The following FAM227A variants were observed in gnomAD, a reference collection of about 807,000 sequenced individuals.
FAM227A encodes the protein family with sequence similarity 227 member A.
Under a neutral mutation model 74.7 loss-of-function variants are expected in FAM227A, and 80 were observed. The ratio of observed to expected loss-of-function variants is 1.07; its 90% CI spans 0.89 to 1.29. The LOEUF (loss-of-function observed/expected upper bound fraction) is 1.29, where lower values mean the gene tolerates loss of function less well. FAM227A is among the 50% of genes most tolerant of loss of function. The probability of loss-of-function intolerance (pLI) is 0.00; values close to 1 mark genes in which losing one functional copy is unlikely to be tolerated. For synonymous variants in FAM227A, 237 were observed against 241.8 expected (o/e 0.98, Z 0.19); for missense variants, 654 against 683.4 (o/e 0.96, Z 0.48).
At chr22:38,613,115 AT>A (rs1466806184) in intron 11 of FAM227A, among the ~76,000 whole-genome samples, 36 of 89,924 alleles carry the variant, frequency 4.0e-4, no homozygotes, top group African/African-American at 1.7e-3. Flanking sequence ...TTATATATAT[AT>A]TATATATAAT....
Position 38,623,205 on chromosome 22 carries a change from C to A in FAM227A, c.925G>T (p.Glu309Ter), listed in dbSNP as rs2091728373. 1 of 1,551,660 alleles carries A rather than the reference C, an allele frequency of 6.4e-7. No individual in the cohort carries two copies. The highest frequency in any genetic ancestry group is 8.7e-7 in the Non-Finnish European group (1 of 1,146,920). Reference protein sequence around the residue: ...ELDPERFRREELMLYRRRLTK... With the variant: ...ELDPERFRRE ...AGTCTTCTTCTGTACAACATTAATT[C>A]TTCTCTGCGGAATCGCTCTGGGTCT... The change falls in exon 10 of 17, where the codon GAA becomes TAA. Residue 309 changes from glutamate (E) to a stop codon, truncating the protein, a stop_gained. Coordinates refer to ENST00000535113, the MANE Select transcript of FAM227A (RefSeq NM_001013647.2). LOFTEE classifies it high-confidence loss of function.
At chr22:38,652,363 C>T (rs1412555708) in intron 1 of FAM227A, among the ~76,000 whole-genome samples, 26 of 149,376 alleles carry the variant, frequency 1.7e-4, no homozygotes, top group East Asian at 8.0e-4. Context: ...CCGAGGCAGG[C>T]AGATCATGAG....
intron 11 of FAM227A, among the ~76,000 whole-genome samples, chr22:38,615,246 C>T (rs1397468196): frequency 6.6e-6 from 1 of 152,226 alleles, no homozygotes; most frequent in African/African-American, 2.4e-5. Context: ...TGGTCTTGAA[C>T]TCCTGACCTC....
chr22:38,607,017 A>G (rs2091298138), intron 12 of FAM227A, among the ~76,000 whole-genome samples: 1 of 152,032 alleles, frequency 6.6e-6, no homozygotes, highest in Admixed American at 6.6e-5. Flanking sequence ...TCTCTACTAA[A>G]AATACAAAAA....
chr22:38,589,763 T>C (rs1022977163), intron 16 of FAM227A, among the ~76,000 whole-genome samples: 3 of 152,188 alleles, frequency 2.0e-5, no homozygotes, highest in Non-Finnish European at 4.4e-5. Context: ...CTGTAGAATA[T>C]TGACTTTTAA....
intron 13 of FAM227A, 131 bp downstream of exon 13, chr22:38,605,123 G>A: frequency 1.7e-6 from 1 of 585,036 alleles, no homozygotes. Context: ...AAAATGCACT[G>A]TTTGCATAAG....
chr22:38,633,863 C>T (rs143931661), intron 6 of FAM227A, among the ~76,000 whole-genome samples: 35 of 152,180 alleles, frequency 2.3e-4, no homozygotes, highest in African/African-American at 8.2e-4. Context: ...CCTTGTAACT[C>T]AGAGACCAGT....
At chr22:38,609,769 C>CT (rs557247962) in intron 11 of FAM227A, among the ~76,000 whole-genome samples, 1 of 151,482 alleles carries the variant, frequency 6.6e-6, no homozygotes, top group African/African-American at 2.4e-5. Context: ...TTTTTCTTTT[C>CT]TTTCTTTTTT....
chr22:38,645,756 T>C, intron 2 of FAM227A, 111 bp from the exon 3 acceptor site: 1 of 645,722 alleles, frequency 1.5e-6, no homozygotes, highest in Non-Finnish European at 2.7e-6. Flanking sequence ...TCTCCTTAAT[T>C]ATTTTCTTTG....
intron 9 of FAM227A, among the ~76,000 whole-genome samples, chr22:38,625,263 C>G (rs1347982186): frequency 6.6e-6 from 1 of 151,802 alleles, no homozygotes; most frequent in Non-Finnish European, 1.5e-5. Context: ...GTGGTGGGCA[C>G]CTATAGTCCC....
chr22:38,578,175 T>C lies in FAM227A; in HGVS notation c.*7950A>G, dbSNP rs1447635717. 2 of 152,234 alleles carry C rather than the reference T, an allele frequency of 1.3e-5. No individual in the cohort carries two copies. The highest frequency in any genetic ancestry group is 2.9e-5 in the Non-Finnish European group (2 of 68,044). The allele number at this position is 152,234 out of a possible 1,614,324, so 9.4% of individuals were successfully genotyped here. On this transcript the variant is annotated 3_prime_UTR_variant, in exon 17 of 17. Transcript: ENST00000535113. ...CCAGTATTGTGTACTATATTTTATA[T>C]GACTGGCAGGCAACACAGTACATTT... is the stretch of plus-strand genomic sequence containing the variant.
intron 3 of FAM227A, among the ~76,000 whole-genome samples, chr22:38,641,974 T>TGCGCGCGCGTGTGTGTGC (rs200823001): frequency 6.8e-6 from 1 of 146,012 alleles, no homozygotes; most frequent in African/African-American, 2.8e-5. Context: ...TGTGTGTGTG[T>TGCGCGCGCGTGTGTGTGC]GCGCACGTGT....
intron 6 of FAM227A, among the ~76,000 whole-genome samples, chr22:38,630,275 A>AT (rs1453480172): frequency 6.6e-6 from 1 of 152,256 alleles, no homozygotes; most frequent in Non-Finnish European, 1.5e-5. Context: ...ACATGCATGG[A>AT]TAAACGAGCC....
At chr22:38,631,751 A>T (rs553228899) in intron 6 of FAM227A, among the ~76,000 whole-genome samples, 1 of 151,892 alleles carries the variant, frequency 6.6e-6, no homozygotes, top group East Asian at 1.9e-4. Context: ...AGCGGTTCTG[A>T]AACTGGACAG....
At chr22:38,643,313 C>T (rs2092155983) in intron 3 of FAM227A, among the ~76,000 whole-genome samples, 1 of 134,574 alleles carries the variant, frequency 7.4e-6, no homozygotes, top group Non-Finnish European at 1.6e-5. Flanking sequence ...AAGATTCTGT[C>T]TCAAAAAAAA....
At chr22:38,652,974 T>C (rs2046587688) in intron 1 of FAM227A, among the ~76,000 whole-genome samples, 1 of 151,034 alleles carries the variant, frequency 6.6e-6, no homozygotes, top group Admixed American at 6.6e-5. Flanking sequence ...CCCAGGGCCA[T>C]GGATGGGTGT....
chr22:38,650,373 T>C (rs1473051697), intron 1 of FAM227A, 111 bp from the exon 2 acceptor site: 1 of 567,250 alleles, frequency 1.8e-6, no homozygotes, highest in Non-Finnish European at 3.1e-6. Flanking sequence ...CATGCCTGCA[T>C]GGGGAATGAA....
intron 16 of FAM227A, among the ~76,000 whole-genome samples, chr22:38,586,758 T>A (rs957570672): frequency 6.6e-6 from 1 of 152,140 alleles, no homozygotes; most frequent in African/African-American, 2.4e-5. Context: ...AACCTCTGAC[T>A]CCCGGGTTCA....
intron 3 of FAM227A, among the ~76,000 whole-genome samples, chr22:38,641,574 CAA>C (rs1275917938): frequency 1.0e-4 from 15 of 143,772 alleles, no homozygotes; most frequent in East Asian, 2.0e-4. Flanking sequence ...AAAAACAAAA[CAA>C]AGAGAGAAAA....
Sources: gnomAD v4.1 joint callset for allele counts (sites outside exome capture counted in the v4.1 genomes callset) on GRCh38, gnomAD v4.1.1 for gene constraint, MANE v1.5 for transcripts, NCBI Gene and HGNC (gene_info 2026-07-23, HGNC 2026-07-21) for gene names.